The following AP4S1 variants were observed in gnomAD, a reference collection of about 807,000 sequenced individuals.
AP4S1 encodes the protein adaptor related protein complex 4 subunit sigma 1, also known as AP-4 complex subunit sigma-1.
In AP4S1, 23 loss-of-function variants were observed where a neutral mutation model predicts 19.8. The ratio of observed to expected loss-of-function variants is 1.16; its 90% CI spans 0.84 to 1.65. The LOEUF is 1.65. Among genes scored for constraint, AP4S1 ranks in the 40% most tolerant of loss-of-function variants. The pLI, the probability that AP4S1 is intolerant of heterozygous loss-of-function variation, is 0.00. For missense variants in AP4S1, 166 were observed against 172.8 expected (o/e 0.96, Z 0.22); for synonymous variants, 46 against 54.1 (o/e 0.85, Z 0.66).
intron 1 of AP4S1, among the ~76,000 whole-genome samples, chr14:31,048,333 G>A (rs1206817081): frequency 2.6e-5 from 4 of 151,018 alleles, no homozygotes; most frequent in African/African-American, 4.9e-5. Flanking sequence ...AAATCCTGAC[G>A]TCAGGTGATC....
At chr14:31,028,326 A>C (rs980180269) in intron 1 of AP4S1, among the ~76,000 whole-genome samples, 2 of 151,974 alleles carry the variant, frequency 1.3e-5, no homozygotes, top group Non-Finnish European at 2.9e-5. Context: ...CCAGGTGTGC[A>C]TCCACCAAGC....
Position 31,066,276 on chromosome 14 carries a change from A to T in AP4S1, c.80A>T (p.Lys27Met), listed in dbSNP as rs771493367. 6.2e-7 allele frequency: 1 copy of T among 1,614,046 alleles called. No homozygotes were observed. Among genetic ancestry groups the T allele is most frequent in the Admixed American group, 1.7e-5 (1 of 60,026 alleles). The change falls in exon 2 of 6, where the codon AAG becomes ATG. Residue 27 changes from lysine (K) to methionine (M), a missense_variant. Lys to Met is a moderately conservative substitution (Grantham distance 95). Transcript: ENST00000542754. The stretch of plus-strand genomic sequence containing the variant: ...TACTATGAACATGTGGATATTAATA[A>T]GCGTACACTTCTGGAAACAGAAGTC... ...SKYYEHVDIN[K>M]RTLLETEVIK...
intron 3 of AP4S1, among the ~76,000 whole-genome samples, chr14:31,071,389 T>C (rs1886990740): frequency 6.6e-6 from 1 of 152,142 alleles, no homozygotes; most frequent in Admixed American, 6.6e-5. Flanking sequence ...AAGATTTTAA[T>C]CTGGCTAGAT....
In AP4S1 at chr14:31,084,587, C is replaced by T. The variant is rs376938112; in HGVS notation, c.306+4003C>T. Among the ~76,000 whole-genome samples the T allele has an allele frequency of 1.9e-3, 285 of 152,308 alleles. 10 individuals carry two copies. The South Asian group carries it at 0.056, about 30-fold the overall frequency. ...CCTTGGGACCAAGCACGTCAGTGAC[C>T]TAAATCATTCACGTGCTATGAATAC... is the stretch of plus-strand genomic sequence containing the variant. On this transcript the variant is annotated intron_variant, in intron 5 of 5. Coordinates refer to ENST00000542754, the MANE Select transcript of AP4S1 (RefSeq NM_001128126.3).
intron 4 of AP4S1, among the ~76,000 whole-genome samples, chr14:31,074,052 G>A (rs903011668): frequency 5.3e-5 from 8 of 151,812 alleles, no homozygotes; most frequent in South Asian, 2.1e-4. Flanking sequence ...GTAATTGGCC[G>A]GGTGTGGCTG....
intron 4 of AP4S1, among the ~76,000 whole-genome samples, chr14:31,075,713 A>T (rs1887316860): frequency 6.7e-6 from 1 of 150,110 alleles, no homozygotes; most frequent in East Asian, 1.9e-4. Context: ...TTGCCAGATG[A>T]TATTCCATTG....
intron 5 of AP4S1, chr14:31,086,062 G>A (rs113128693): frequency 2.6e-4 from 40 of 153,394 alleles, no homozygotes; most frequent in Non-Finnish European, 5.1e-4. Flanking sequence ...GCCTCGATCA[G>A]GCCCACTGTG....
At chr14:31,079,986 T>C (rs1265497499) in intron 4 of AP4S1, among the ~76,000 whole-genome samples, 1 of 152,202 alleles carries the variant, frequency 6.6e-6, no homozygotes, top group South Asian at 2.1e-4. Flanking sequence ...TTGACCTTTA[T>C]ACATACATAC....
At chr14:31,044,348 A>AT (rs200073274) in intron 1 of AP4S1, among the ~76,000 whole-genome samples, 202 of 149,814 alleles carry the variant, frequency 1.3e-3, no homozygotes, top group African/African-American at 3.9e-3. Context: ...ATGTCTGGTA[A>AT]TTTTTTTTTT....
At chr14:31,054,256 A>T (rs995883270) in intron 1 of AP4S1, among the ~76,000 whole-genome samples, 7 of 152,258 alleles carry the variant, frequency 4.6e-5, no homozygotes, top group African/African-American at 1.7e-4. Flanking sequence ...TCAGTTGGTC[A>T]TATTATATTA....
intron 1 of AP4S1, among the ~76,000 whole-genome samples, chr14:31,028,939 G>C (rs1375493595): frequency 6.6e-6 from 1 of 152,160 alleles, no homozygotes; most frequent in Non-Finnish European, 1.5e-5. Flanking sequence ...CCTGATGATA[G>C]CATCAAAAGA....
At chr14:31,049,428 AATATATATATATATATATATAT>A (rs1182207910) in intron 1 of AP4S1, among the ~76,000 whole-genome samples, 2 of 57,768 alleles carry the variant, frequency 3.5e-5, no homozygotes, top group East Asian at 5.0e-4. Flanking sequence ...AAAAAAAAAA[AATATATATATATATATATATAT>A]ATATATATAT....
intron 5 of AP4S1, among the ~76,000 whole-genome samples, chr14:31,090,784 C>T (rs535571637): frequency 3.5e-4 from 53 of 152,368 alleles, no homozygotes; most frequent in Middle Eastern, 3.4e-3. Context: ...TAAACAACAG[C>T]TGGATTCTTA....
At position 31,093,044 on chromosome 14, in the gene AP4S1, C is replaced by A; in HGVS notation, c.*9C>A. The A allele has an allele frequency of 6.5e-7, 1 of 1,547,156 alleles. No individual in the cohort carries two copies. Among genetic ancestry groups the A allele is most frequent in the Non-Finnish European group, 8.7e-7 (1 of 1,146,222 alleles). On this transcript the variant is annotated 3_prime_UTR_variant, in exon 6 of 6. Coordinates refer to ENST00000542754, the MANE Select transcript of AP4S1 (RefSeq NM_001128126.3). Reference sequence around the variant, plus strand: ...AGATGTCAGAAAGCTGAAAGGAAGTCTCTTCGAGACAATATGGATTTATCA... The same window carrying A: ...AGATGTCAGAAAGCTGAAAGGAAGTATCTTCGAGACAATATGGATTTATCA...
rs979862829 is a variant in AP4S1, at chr14:31,072,928, C to T, written c.249C>T (p.Phe83=). 6 of 1,612,786 alleles carry T rather than the reference C, an allele frequency of 3.7e-6. No homozygotes were observed. The highest frequency in any genetic ancestry group is 5.1e-6 in the Non-Finnish European group (6 of 1,178,844). ...AGAACGAGATGGCTATTTATGAATTCATTCATAACTTTGTGGAAGTTTTAG... is the reference window on the plus strand; with the variant it reads ...AGAACGAGATGGCTATTTATGAATTTATTCATAACTTTGTGGAAGTTTTAG... ...DTENEMAIYE[F]IHNFVEVLDE... is the part of the protein sequence containing the mutation. The change falls in exon 4 of 6, where the codon TTC becomes TTT. Residue 83 remains phenylalanine, a synonymous_variant. Coordinates refer to ENST00000542754, the MANE Select transcript of AP4S1 (RefSeq NM_001128126.3).
At chr14:31,049,249 TA>T (rs1187998436) in intron 1 of AP4S1, among the ~76,000 whole-genome samples, 1 of 150,016 alleles carries the variant, frequency 6.7e-6, no homozygotes, top group Non-Finnish European at 1.5e-5. Flanking sequence ...CTGTCTCTAC[TA>T]AAAAATACAA....
At chr14:31,052,852 A>G (rs769701274) in intron 1 of AP4S1, among the ~76,000 whole-genome samples, 1 of 151,888 alleles carries the variant, frequency 6.6e-6, no homozygotes, top group African/African-American at 2.4e-5. Context: ...AAATATACAT[A>G]TCTATTTCCC....
At chr14:31,078,781 C>T (rs952421562) in intron 4 of AP4S1, among the ~76,000 whole-genome samples, 15 of 152,098 alleles carry the variant, frequency 9.9e-5, no homozygotes, top group Admixed American at 6.6e-5. Context: ...GGTGATTATG[C>T]AGGACTTGGA....
At chr14:31,037,176 A>G (rs919589796) in intron 1 of AP4S1, among the ~76,000 whole-genome samples, 1 of 151,858 alleles carries the variant, frequency 6.6e-6, no homozygotes, top group Non-Finnish European at 1.5e-5. Context: ...ATGCACACAC[A>G]CACGCACACA....
Sources: allele counts gnomAD v4.1 joint callset (sites outside exome capture counted in the v4.1 genomes callset), GRCh38; gene constraint gnomAD v4.1.1; transcripts MANE v1.5; gene names NCBI Gene and HGNC (gene_info 2026-07-23, HGNC 2026-07-21).